ZNF704: variants seen among roughly 807,000 people sequenced by gnomAD.
ZNF704 encodes the protein zinc finger protein 704, also known as glucocorticoid induced gene 1.
In ZNF704, 10 loss-of-function variants were observed where a neutral mutation model predicts 44.7. The observed-to-expected ratio is 0.22, with a 90% CI of 0.14 to 0.38. ZNF704 has a LOEUF of 0.38. Among genes scored for constraint, ZNF704 ranks in the 10% least tolerant of loss-of-function variants. ZNF704 has a pLI of 1.00. For missense variants in ZNF704, 390 were observed against 545.5 expected (o/e 0.71, Z 2.84); for synonymous variants, 211 against 207.6 (o/e 1.02, Z -0.14).
chr8:80,718,534 G>A (rs187945244), intron 2 of ZNF704, among the ~76,000 whole-genome samples: 2 of 152,238 alleles, frequency 1.3e-5, no homozygotes, highest in African/African-American at 2.4e-5. Flanking sequence ...TAGGCTTCAT[G>A]GAGCATCACA....
At chr8:80,805,178 G>A (rs1807969316) in intron 2 of ZNF704, among the ~76,000 whole-genome samples, 1 of 152,104 alleles carries the variant, frequency 6.6e-6, no homozygotes, top group South Asian at 2.1e-4. Flanking sequence ...TTCAAGCTTG[G>A]GGACCCATCT....
intron 7 of ZNF704, among the ~76,000 whole-genome samples, chr8:80,643,821 T>C (rs576183461): frequency 1.4e-4 from 22 of 152,312 alleles, no homozygotes; most frequent in African/African-American, 5.3e-4. Context: ...ATTCCCTTTT[T>C]AGAGGATGAA....
chr8:80,639,682 A>C lies in ZNF704; in HGVS notation c.*1684T>G, dbSNP rs1425913124. On this transcript the variant is annotated 3_prime_UTR_variant, in exon 9 of 9. Coordinates refer to ENST00000327835, the MANE Select transcript of ZNF704 (RefSeq NM_001033723.3). ...TGAATGCACAGATTGTGGATGTTGC[A>C]CTGTAGAACCTCCTTATACTTTCTT... is the stretch of plus-strand genomic sequence containing the variant. 1 of 152,626 alleles carries C rather than the reference A, an allele frequency of 6.6e-6. No homozygotes were observed. The highest frequency in any genetic ancestry group is 1.5e-5 in the Non-Finnish European group (1 of 68,038). 9.5% of individuals were successfully genotyped at this position (152,626 alleles called of 1,614,324 possible).
intron 2 of ZNF704, among the ~76,000 whole-genome samples, chr8:80,693,995 G>A (rs1424865380): frequency 6.6e-6 from 1 of 152,136 alleles, no homozygotes; most frequent in Non-Finnish European, 1.5e-5. Context: ...ACTAGGGTGG[G>A]GACAGTGGCA....
At chr8:80,848,495 G>T (rs1322247485) in intron 1 of ZNF704, among the ~76,000 whole-genome samples, 2 of 152,140 alleles carry the variant, frequency 1.3e-5, no homozygotes, top group South Asian at 2.1e-4. Flanking sequence ...GGATGAACAG[G>T]ATCCTTCTGT....
chr8:80,679,211 T>C (rs193030691), intron 4 of ZNF704, among the ~76,000 whole-genome samples: 9 of 152,264 alleles, frequency 5.9e-5, no homozygotes, highest in African/African-American at 2.2e-4. Context: ...TGTAAAGTGA[T>C]TTGTCTCTAC....
At chr8:80,790,206 T>C (rs140601623) in intron 2 of ZNF704, among the ~76,000 whole-genome samples, 7 of 152,212 alleles carry the variant, frequency 4.6e-5, no homozygotes, top group Non-Finnish European at 8.8e-5. Context: ...GTTTCAACTG[T>C]GCAAGGACTG....
intron 1 of ZNF704, among the ~76,000 whole-genome samples, chr8:80,844,744 C>T (rs915484833): frequency 6.6e-6 from 1 of 151,894 alleles, no homozygotes; most frequent in African/African-American, 2.4e-5. Context: ...ATTAAACATG[C>T]TATTAAAATT....
intron 7 of ZNF704, among the ~76,000 whole-genome samples, chr8:80,656,821 GGTATTTATTTTAGA>G (rs1172670104): frequency 6.6e-6 from 1 of 152,046 alleles, no homozygotes; most frequent in African/African-American, 2.4e-5. Context: ...ACAACCTCAG[GGTATTTATTTTAGA>G]GTACAAGGAT....
intron 3 of ZNF704, among the ~76,000 whole-genome samples, chr8:80,691,914 GAC>G (rs1246232073): frequency 1.3e-5 from 2 of 152,052 alleles, no homozygotes; most frequent in African/African-American, 4.8e-5. Context: ...AGTCATCCTT[GAC>G]ACACCCTCCT....
At chr8:80,854,120 G>A (rs527588280) in intron 1 of ZNF704, among the ~76,000 whole-genome samples, 4 of 152,276 alleles carry the variant, frequency 2.6e-5, no homozygotes, top group South Asian at 4.1e-4. Flanking sequence ...AGGATTATAG[G>A]AAATACACAA....
chr8:80,839,973 C>T (rs1490644824), intron 1 of ZNF704, among the ~76,000 whole-genome samples: 2 of 152,218 alleles, frequency 1.3e-5, no homozygotes, highest in Non-Finnish European at 1.5e-5. Context: ...TCTCTCTCCC[C>T]TAGTGCTTCA....
intron 2 of ZNF704, among the ~76,000 whole-genome samples, chr8:80,752,368 C>T (rs548060950): frequency 6.6e-6 from 1 of 151,664 alleles, no homozygotes; most frequent in Non-Finnish European, 1.5e-5. Context: ...AGGAACTGGA[C>T]CAATACAATG....
At chr8:80,644,371 C>CACTAAGTAATCTTCCCAGCTTCTGGA (rs1817794035) in intron 7 of ZNF704, among the ~76,000 whole-genome samples, 1 of 152,150 alleles carries the variant, frequency 6.6e-6, no homozygotes, top group African/African-American at 2.4e-5. Context: ...TGTCTCCTAA[C>CACTAAGTAATCTTCCCAGCTTCTGGA]ACTAAGTAAT....
chr8:80,700,960 C>T (rs1818800691), intron 2 of ZNF704, among the ~76,000 whole-genome samples: 1 of 152,050 alleles, frequency 6.6e-6, no homozygotes, highest in Non-Finnish European at 1.5e-5. Flanking sequence ...CTGGATTTCT[C>T]CTTTCCTCCT....
chr8:80,848,147 A>T (rs1342712355), intron 1 of ZNF704, among the ~76,000 whole-genome samples: 1 of 152,210 alleles, frequency 6.6e-6, no homozygotes, highest in Non-Finnish European at 1.5e-5. Context: ...CAAAGGGTTT[A>T]CTCACTGTGC....
chr8:80,809,709 C>T (rs1053057100), intron 2 of ZNF704, among the ~76,000 whole-genome samples: 4 of 152,246 alleles, frequency 2.6e-5, no homozygotes, highest in East Asian at 1.9e-4. Flanking sequence ...ATTTACAACA[C>T]GACTATGGTT....
chr8:80,870,045 T>C (rs1158246389), intron 1 of ZNF704, among the ~76,000 whole-genome samples: 1 of 152,130 alleles, frequency 6.6e-6, no homozygotes, highest in Non-Finnish European at 1.5e-5. Flanking sequence ...AGTTAATTAT[T>C]CCCTGGTCAA....
intron 2 of ZNF704, among the ~76,000 whole-genome samples, chr8:80,714,579 A>G (rs2131663352): frequency 6.6e-6 from 1 of 152,252 alleles, no homozygotes; most frequent in Non-Finnish European, 1.5e-5. Context: ...GAATACTCTA[A>G]TGATCTCCTC....
Sources: gnomAD v4.1 joint callset for allele counts (sites outside exome capture counted in the v4.1 genomes callset) on GRCh38, gnomAD v4.1.1 for gene constraint, MANE v1.5 for transcripts, NCBI Gene and HGNC (gene_info 2026-07-23, HGNC 2026-07-21) for gene names.